The following INPP5F variants were observed in gnomAD, a reference collection of about 807,000 sequenced individuals.
INPP5F encodes the protein phosphatidylinositide 4-phosphatase SAC2.
A neutral mutation model predicts 137.2 loss-of-function variants in INPP5F; 97 were observed. That is an observed-to-expected ratio of 0.71 (90% CI 0.60 to 0.84). The LOEUF is 0.84. INPP5F is among the 40% of genes least tolerant of loss of function. The probability of loss-of-function intolerance (pLI) is 0.00; values close to 1 mark genes in which losing one functional copy is unlikely to be tolerated. For missense variants in INPP5F, 1,271 were observed against 1,371.9 expected (o/e 0.93, Z 1.16); for synonymous variants, 504 against 476.9 (o/e 1.06, Z -0.74).
chr10:119,794,424 T>C (rs1376939932), intron 6 of INPP5F, among the ~76,000 whole-genome samples: 1 of 152,154 alleles, frequency 6.6e-6, no homozygotes, highest in Non-Finnish European at 1.5e-5. Flanking sequence ...TACCTCTTTC[T>C]ACACAGACAC....
intron 1 of INPP5F, among the ~76,000 whole-genome samples, chr10:119,741,412 A>G (rs1848372153): frequency 6.6e-6 from 1 of 152,196 alleles, no homozygotes; most frequent in African/African-American, 2.4e-5. Flanking sequence ...CTTATTCTGC[A>G]TGGCCAGCAG....
At chr10:119,739,473 A>G (rs1434579983) in intron 1 of INPP5F, among the ~76,000 whole-genome samples, 1 of 152,172 alleles carries the variant, frequency 6.6e-6, no homozygotes, top group East Asian at 1.9e-4. Flanking sequence ...TAGGAAAAAC[A>G]TTTTTATTAT....
chr10:119,745,804 A>G (rs1291551846), intron 1 of INPP5F, among the ~76,000 whole-genome samples: 8 of 148,366 alleles, frequency 5.4e-5, no homozygotes, highest in East Asian at 2.0e-4. Context: ...TCCTGGGTTC[A>G]AGCGATTCTC....
chr10:119,826,658 C>A lies in INPP5F; in HGVS notation c.2277C>A (p.Ile759=). ...ERKSSKPHED[I]IGIRSQNQGS... is the part of the protein sequence containing the mutation. ...AGAGCAGTAAACCTCACGAAGACAT[C>A]ATTGGTATCAGGTCTCAAAACCAAG... Residue 759 remains isoleucine, a synonymous_variant, in exon 20 of 20, where the codon ATC becomes ATA. Transcript: ENST00000650623. 6.3e-7 allele frequency: 1 copy of A among 1,594,592 alleles called. No homozygotes were observed.
intron 17 of INPP5F, 35 bp downstream of exon 17, chr10:119,822,539 C>G: frequency 1.9e-6 from 2 of 1,028,502 alleles, no homozygotes; most frequent in Middle Eastern, 2.1e-4. Context: ...TCATCAAAAG[C>G]AAATGCTGTT....
At chr10:119,768,038 T>G (rs1849227105) in intron 2 of INPP5F, among the ~76,000 whole-genome samples, 1 of 152,208 alleles carries the variant, frequency 6.6e-6, no homozygotes, top group African/African-American at 2.4e-5. Flanking sequence ...TCAGATTATC[T>G]TTTTCCTTCT....
intron 15 of INPP5F, chr10:119,819,417 A>G: frequency 6.8e-7 from 1 of 1,477,680 alleles, no homozygotes; most frequent in Non-Finnish European, 9.1e-7. Context: ...TGTAAATATT[A>G]ATGCCAAAAT....
At chr10:119,826,485 ACT>A (rs1564858026) in intron 19 of INPP5F, 144 bp from the exon 20 acceptor site, 2 of 655,648 alleles carry the variant, frequency 3.1e-6, no homozygotes, top group East Asian at 5.2e-5. Flanking sequence ...TTTAATGTCA[ACT>A]CTGAGGGTTA....
chr10:119,812,284 A>G (rs1489041078), intron 15 of INPP5F, among the ~76,000 whole-genome samples: 1 of 152,228 alleles, frequency 6.6e-6, no homozygotes, highest in African/African-American at 2.4e-5. Context: ...AATGCACATA[A>G]GTGAGTGCAA....
chr10:119,804,356 C>T, intron 10 of INPP5F, 59 bp downstream of exon 10: 32 of 1,348,180 alleles, frequency 2.4e-5, no homozygotes, highest in Non-Finnish European at 3.2e-5. Flanking sequence ...TAGATGCTGC[C>T]ACAGGGACCT....
At chr10:119,762,767 T>C (rs1168453464) in intron 2 of INPP5F, among the ~76,000 whole-genome samples, 4 of 152,150 alleles carry the variant, frequency 2.6e-5, no homozygotes, top group African/African-American at 9.7e-5. Flanking sequence ...ATCAATCCCC[T>C]GCAGTTACTG....
rs201010716 is a variant in INPP5F at position 119,823,036 on chromosome 10, C to T, written c.2033-35C>T. The T allele has an allele frequency of 3.6e-4, 572 of 1,570,312 alleles. 2 individuals carry two copies. The highest frequency in any genetic ancestry group is 1.9e-3 in the Middle Eastern group (11 of 5,860). On this transcript the variant is annotated intron_variant, in intron 17 of 19. Transcript: ENST00000650623. ...TAATAGAAGAAAATGTTATGTGAAA[C>T]ATTTAACTTTATACGTATTCATTTG...
chr10:119,791,708 T>A (rs1240771628), intron 4 of INPP5F, 63 bp downstream of exon 4: 2 of 1,445,832 alleles, frequency 1.4e-6, no homozygotes, highest in Non-Finnish European at 1.9e-6. Flanking sequence ...AGAGAGATAA[T>A]TCTCCACTCA....
chr10:119,773,402 C>T (rs1195939152), intron 2 of INPP5F, among the ~76,000 whole-genome samples: 5 of 152,194 alleles, frequency 3.3e-5, no homozygotes, highest in Non-Finnish European at 5.9e-5. Flanking sequence ...AGGTTTGTTA[C>T]ATGAGTATAT....
Position 119,726,061 on chromosome 10 carries a change from A to ACGGCCGCCG in INPP5F, c.-200_-192dup, listed in dbSNP as rs1847870640. 1.4e-5 allele frequency: 5 copies of ACGGCCGCCG among 363,002 alleles called. No individual in the cohort carries two copies. The highest frequency in any genetic ancestry group is 2.4e-5 in the Non-Finnish European group (5 of 204,382). The allele number at this position is 363,002 out of a possible 1,614,324, so 22.5% of individuals were successfully genotyped here. Reference sequence around the variant, plus strand: ...GGAGGAGCGGGGGGGAGAGGCCTCTACGGCCGCCGCTGCCGCCGCCGCTGC... The same window carrying ACGGCCGCCG: ...GGAGGAGCGGGGGGGAGAGGCCTCTACGGCCGCCGCGGCCGCCGCTGCCGCCGCCGCTGC... On this transcript the variant is annotated 5_prime_UTR_variant, in exon 1 of 20. Coordinates refer to ENST00000650623, the MANE Select transcript of INPP5F (RefSeq NM_014937.4).
At chr10:119,732,032 A>T (rs529521497) in intron 1 of INPP5F, among the ~76,000 whole-genome samples, 1 of 128,388 alleles carries the variant, frequency 7.8e-6, no homozygotes, top group East Asian at 2.3e-4. Context: ...AAAGAAGACA[A>T]GTGGTTTTTT....
intron 2 of INPP5F, among the ~76,000 whole-genome samples, chr10:119,751,870 G>C (rs768466290): frequency 6.6e-6 from 1 of 152,182 alleles, no homozygotes; most frequent in Non-Finnish European, 1.5e-5. Flanking sequence ...GCCTCCAGCA[G>C]TTCCCCTGCC....
chr10:119,826,716 A>T lies in INPP5F; in HGVS notation c.2335A>T (p.Ser779Cys), dbSNP rs779255663. Residue 779 changes from serine (S) to cysteine (C), a missense_variant, in exon 20 of 20, where the codon AGC becomes TGC. Ser to Cys is a moderately radical substitution (Grantham distance 112). This residue lies in a region of INPP5F where 490 missense variants were observed against 443.7 expected (regional missense o/e 1.10). Transcript: ENST00000650623. ...GGCCCAGGGAAAGAATTTTTTAATG[A>T]GCAAATTTTCATCTCTAAATCAAAA... The part of the protein sequence containing the change: ...SLAQGKNFLM[S>C]KFSSLNQKVK... 6.2e-7 allele frequency: 1 copy of T among 1,613,114 alleles called. No individual in the cohort carries two copies. The highest frequency in any genetic ancestry group is 8.5e-7 in the Non-Finnish European group (1 of 1,179,718).
intron 2 of INPP5F, among the ~76,000 whole-genome samples, chr10:119,767,467 G>A (rs1395944846): frequency 6.6e-6 from 1 of 152,052 alleles, no homozygotes; most frequent in Non-Finnish European, 1.5e-5. Context: ...AAGGAGAAAA[G>A]CAGAATAATA....
Sources: allele counts gnomAD v4.1 joint callset (sites outside exome capture counted in the v4.1 genomes callset), GRCh38; gene constraint gnomAD v4.1.1; regional missense constraint gnomAD v4.1.1; transcripts MANE v1.5; gene names NCBI Gene and HGNC (gene_info 2026-07-23, HGNC 2026-07-21).